MPP7: variants seen among roughly 807,000 people sequenced by gnomAD.
MPP7 encodes MAGUK p55 scaffold protein 7.
In MPP7, 60 loss-of-function variants were observed where a neutral mutation model predicts 76.5. The observed-to-expected ratio is 0.78, with a 90% CI of 0.64 to 0.97. The LOEUF (loss-of-function observed/expected upper bound fraction) is 0.97. MPP7 is among the 50% of genes least tolerant of loss of function. MPP7 has a pLI of 0.00. For missense variants in MPP7, 641 were observed against 694.0 expected (o/e 0.92, Z 0.86); for synonymous variants, 237 against 244.5 (o/e 0.97, Z 0.29).
chr10:28,132,639 G>A (rs555237885), intron 5 of MPP7, among the ~76,000 whole-genome samples: 16 of 151,862 alleles, frequency 1.1e-4, no homozygotes, highest in African/African-American at 3.1e-4. Context: ...TCGCTCTGTC[G>A]CCCAGGCTGT....
intron 1 of MPP7, among the ~76,000 whole-genome samples, chr10:28,332,571 A>G (rs895749900): frequency 2.6e-5 from 4 of 152,172 alleles, no homozygotes; most frequent in African/African-American, 9.7e-5. Flanking sequence ...TGTGTATAAA[A>G]TCAACAGGTT....
chr10:28,133,239 AT>A (rs1280360783), intron 5 of MPP7, among the ~76,000 whole-genome samples: 1 of 152,206 alleles, frequency 6.6e-6, no homozygotes, highest in African/African-American at 2.4e-5. Context: ...AGCCAGAGTG[AT>A]TATTTTAAAA....
At chr10:28,098,497 T>C (rs935808179) in intron 11 of MPP7, among the ~76,000 whole-genome samples, 1 of 151,734 alleles carries the variant, frequency 6.6e-6, no homozygotes, top group Non-Finnish European at 1.5e-5. Context: ...CTTACTGTAA[T>C]ATTATATATG....
At chr10:28,242,025 T>A (rs1233902616) in intron 1 of MPP7, among the ~76,000 whole-genome samples, 1 of 152,174 alleles carries the variant, frequency 6.6e-6, no homozygotes. Context: ...TTAAAACTTG[T>A]TTTCAGTAAA....
chr10:28,313,451 A>G (rs2133176562), intron 2 of MPP7, among the ~76,000 whole-genome samples: 1 of 152,292 alleles, frequency 6.6e-6, no homozygotes. Flanking sequence ...TGTTGCAGTG[A>G]GCCTAGATTA....
intron 1 of MPP7, among the ~76,000 whole-genome samples, chr10:28,288,254 T>C (rs1194021793): frequency 1.3e-5 from 2 of 152,206 alleles, no homozygotes; most frequent in African/African-American, 4.8e-5. Flanking sequence ...TTTTTAGTTT[T>C]TATGAGACAG....
chr10:28,312,477 A>G (rs1198093625), intron 2 of MPP7, among the ~76,000 whole-genome samples: 1 of 152,198 alleles, frequency 6.6e-6, no homozygotes, highest in Non-Finnish European at 1.5e-5. Flanking sequence ...AAGTTCTCCA[A>G]GTTGATCCAG....
intron 11 of MPP7, among the ~76,000 whole-genome samples, chr10:28,116,510 TAAAAGA>T (rs780266870): frequency 2.0e-5 from 3 of 152,154 alleles, no homozygotes; most frequent in Non-Finnish European, 2.9e-5. Flanking sequence ...GCTGGTCATA[TAAAAGA>T]AAATCTATCA....
intron 3 of MPP7, among the ~76,000 whole-genome samples, chr10:28,166,115 A>T (rs1044947179): frequency 9.9e-5 from 15 of 151,632 alleles, no homozygotes; most frequent in Non-Finnish European, 8.8e-5. Flanking sequence ...TTAAATCCTG[A>T]TGTACCTTAA....
At chr10:28,077,563 G>C (rs1461137760) in intron 12 of MPP7, among the ~76,000 whole-genome samples, 1 of 152,118 alleles carries the variant, frequency 6.6e-6, no homozygotes, top group East Asian at 1.9e-4. Context: ...TCTAGGGTTA[G>C]GCCTAAGTTC....
chr10:28,271,750 T>C (rs1164275404), intron 1 of MPP7, among the ~76,000 whole-genome samples: 2 of 152,058 alleles, frequency 1.3e-5, no homozygotes, highest in African/African-American at 4.8e-5. Context: ...CTGAAGCAGG[T>C]GGATCACGAG....
intron 3 of MPP7, among the ~76,000 whole-genome samples, chr10:28,186,048 C>A (rs1160269286): frequency 6.6e-6 from 1 of 152,144 alleles, no homozygotes; most frequent in Non-Finnish European, 1.5e-5. Context: ...TGACTTCCAT[C>A]AGAAGCATAC....
chr10:28,236,667 A>G (rs1370839485), intron 2 of MPP7: 1 of 152,152 alleles, frequency 6.6e-6, no homozygotes, highest in Non-Finnish European at 1.5e-5. Flanking sequence ...GGGAAAGAAG[A>G]AGTGGTAAAA....
chr10:28,210,087 C>A (rs1838081178), intron 2 of MPP7, among the ~76,000 whole-genome samples: 1 of 152,166 alleles, frequency 6.6e-6, no homozygotes, highest in African/African-American at 2.4e-5. Flanking sequence ...ACTTATACTG[C>A]AGCCCTTTCC....
intron 3 of MPP7, among the ~76,000 whole-genome samples, chr10:28,154,874 T>C (rs971512842): frequency 6.6e-6 from 1 of 152,324 alleles, no homozygotes; most frequent in Middle Eastern, 3.4e-3. Flanking sequence ...AGAGCTGCCA[T>C]TCTTCAAAAA....
intron 2 of MPP7, among the ~76,000 whole-genome samples, chr10:28,217,039 T>C (rs544935779): frequency 6.6e-6 from 1 of 152,234 alleles, no homozygotes; most frequent in Admixed American, 6.5e-5. Flanking sequence ...CTGGATGTAA[T>C]TAAGATATTC....
At chr10:28,300,952 A>G (rs1841141635) in intron 1 of MPP7, among the ~76,000 whole-genome samples, 1 of 148,394 alleles carries the variant, frequency 6.7e-6, no homozygotes. Flanking sequence ...CACCTCAGAA[A>G]AAAAAAAAAA....
At chr10:28,280,171 T>C (rs1323580081) in intron 1 of MPP7, 1 of 152,076 alleles carries the variant, frequency 6.6e-6, no homozygotes, top group African/African-American at 2.4e-5. Context: ...GGAACATTAC[T>C]GTGTACCTGC....
At chr10:28,248,170 T>C (rs997258765) in intron 1 of MPP7, among the ~76,000 whole-genome samples, 3 of 152,124 alleles carry the variant, frequency 2.0e-5, no homozygotes, top group Non-Finnish European at 2.9e-5. Flanking sequence ...AGCCTGCTAG[T>C]GGACTGCTAG....
Sources: gnomAD v4.1 joint callset for allele counts (sites outside exome capture counted in the v4.1 genomes callset) on GRCh38, gnomAD v4.1.1 for gene constraint, MANE v1.5 for transcripts, NCBI Gene and HGNC (gene_info 2026-07-23, HGNC 2026-07-21) for gene names.